C2CD5: variants seen among roughly 807,000 people sequenced by gnomAD.
C2CD5 encodes the protein C2 calcium dependent domain containing 5.
C2CD5 carries 109 observed loss-of-function variants against 130.3 expected under a neutral mutation model. The observed-to-expected ratio is 0.84, with a 90% CI of 0.72 to 0.98. The LOEUF is 0.98. Among genes scored for constraint, C2CD5 ranks in the 50% least tolerant of loss-of-function variants. The probability of loss-of-function intolerance (pLI) is 0.00; values close to 1 mark genes in which losing one functional copy is unlikely to be tolerated. For missense variants in C2CD5, 996 were observed against 1,261.8 expected, an observed-to-expected ratio of 0.79 and a Z score of 3.19; for synonymous variants, 454 against 429.2, an observed-to-expected ratio of 1.06 and a Z score of -0.71.
chr12:22,469,627 AG>A, intron 22 of C2CD5, 81 bp downstream of exon 22: 1 of 717,646 alleles, frequency 1.4e-6, no homozygotes, highest in Non-Finnish European at 2.3e-6. Context: ...CCTCAAGGTT[AG>A]TAAGATTTCC....
chr12:22,527,961 T>C (rs1950877600), intron 3 of C2CD5, 69 bp from the exon 4 acceptor site: 3 of 848,864 alleles, frequency 3.5e-6, no homozygotes, highest in Admixed American at 3.0e-5. Context: ...TGTATACCTA[T>C]ATCAAATGAA....
chr12:22,514,117 C>CT (rs1396350477), intron 8 of C2CD5, among the ~76,000 whole-genome samples: 2 of 151,964 alleles, frequency 1.3e-5, no homozygotes, highest in Non-Finnish European at 2.9e-5. Context: ...TTTTATTGTT[C>CT]TGACCATGCC....
At chr12:22,460,566 C>T (rs1476519907) in intron 22 of C2CD5, 1 of 151,934 alleles carries the variant, frequency 6.6e-6, no homozygotes, top group Non-Finnish European at 1.5e-5. Flanking sequence ...AGTATCTCAC[C>T]ACACCCCACC....
At chr12:22,538,527 C>T (rs920996215) in intron 2 of C2CD5, among the ~76,000 whole-genome samples, 1 of 152,160 alleles carries the variant, frequency 6.6e-6, no homozygotes, top group Admixed American at 6.5e-5. Context: ...TGGAAGGATG[C>T]AGAACGCTGA....
intron 8 of C2CD5, chr12:22,515,062 G>A: frequency 2.0e-6 from 2 of 985,106 alleles, no homozygotes; most frequent in South Asian, 4.7e-5. Context: ...CCGAGAGGAG[G>A]AGACAGGACT....
At position 22,490,162 on chromosome 12, in the gene C2CD5, A is replaced by T; in HGVS notation, c.1319T>A (p.Phe440Tyr). The T allele has an allele frequency of 6.2e-7, 1 of 1,613,802 alleles. No individual in the cohort carries two copies. Among genetic ancestry groups the T allele is most frequent in the Non-Finnish European group, 8.5e-7 (1 of 1,179,762 alleles). ...SGTAAVLNPR[F>Y]LQDGTVEGCL... Reference sequence around the variant, plus strand: ...GCCTTCCACGGTGCCATCCTGCAGAAATCTAGGATTCAGTACAGCCGCTGT... The same window carrying T: ...GCCTTCCACGGTGCCATCCTGCAGATATCTAGGATTCAGTACAGCCGCTGT... The change falls in exon 12 of 27, where the codon TTT becomes TAT. Residue 440 changes from phenylalanine (F) to tyrosine (Y), a missense_variant. Physicochemically the swap from Phe to Tyr is conservative, Grantham distance 22. Around this residue, in one of 9 missense-constraint regions of C2CD5, gnomAD observed 590 missense variants for 631.4 expected, o/e 0.93. Transcript: ENST00000446597.
Position 22,527,648 on chromosome 12 carries a change from A to G in C2CD5, c.349+73T>C, listed in dbSNP as rs961495661. ...ATACATATTTTAAACCAGCAAATAT[A>G]GCACAAATGTCTTTAAGGACAAATA... On this transcript the variant is annotated intron_variant, in intron 4 of 26. Coordinates refer to ENST00000446597, the MANE Select transcript of C2CD5 (RefSeq NM_001286176.2). 15 of 907,648 alleles carry G rather than the reference A, an allele frequency of 1.7e-5. No homozygotes were observed. The African/African-American group carries it at 2.3e-4, about 14-fold the overall frequency. The allele number at this position is 907,648 out of a possible 1,614,324, so 56.2% of individuals were successfully genotyped here.
chr12:22,478,420 C>T lies in C2CD5; in HGVS notation c.1795G>A (p.Gly599Arg). 1 of 1,613,586 alleles carries T rather than the reference C, an allele frequency of 6.2e-7. No homozygotes were observed. Among genetic ancestry groups the T allele is most frequent in the African/African-American group, 1.3e-5 (1 of 75,028 alleles). ...LPTPGGIQIA[G>R]KTPNDGSYEQ... ...TATGAGCCATCATTAGGAGTCTTCC[C>T]AGCAATCTGAATACCACCAGGAGTT... Residue 599 changes from glycine (G) to arginine (R), a missense_variant, in exon 15 of 27, where the codon GGG (glycine) becomes AGG (arginine). Transcript: ENST00000446597.
In C2CD5 at chr12:22,544,320, T is replaced by G; in HGVS notation, c.-30A>C. 1 of 536,664 alleles carries G rather than the reference T, an allele frequency of 1.9e-6. No homozygotes were observed. The highest frequency in any genetic ancestry group is 2.0e-5 in the African/African-American group (1 of 48,870). 33.2% of individuals were successfully genotyped at this position (536,664 alleles called of 1,614,324 possible). On this transcript the variant is annotated splice_region_variant and 5_prime_UTR_variant, in exon 1 of 27. Coordinates refer to ENST00000446597, the MANE Select transcript of C2CD5 (RefSeq NM_001286176.2). ...AGTCGCGCCACGGGTCGCCACTCAC[T>G]GTCGCAGGAGGAAGGGTGCTGTCCC...
chr12:22,537,107 G>A (rs1951888564), intron 2 of C2CD5, among the ~76,000 whole-genome samples: 1 of 152,204 alleles, frequency 6.6e-6, no homozygotes, highest in South Asian at 2.1e-4. Flanking sequence ...GATTTTTTAA[G>A]TGACAAGTTT....
At chr12:22,497,613 G>A (rs1213672726) in intron 10 of C2CD5, 1 of 972,226 alleles carries the variant, frequency 1.0e-6, no homozygotes, top group Non-Finnish European at 1.2e-6. Context: ...ACCTCTTGAA[G>A]AAGATAAATT....
intron 3 of C2CD5, among the ~76,000 whole-genome samples, 163 bp from the exon 4 acceptor site, chr12:22,528,055 C>G (rs1342260249): frequency 6.6e-6 from 1 of 152,188 alleles, no homozygotes; most frequent in African/African-American, 2.4e-5. Context: ...AAAGATATAG[C>G]TCCTTTTCCT....
At chr12:22,482,800 C>A in intron 13 of C2CD5, 57 bp from the exon 14 acceptor site, 1 of 1,306,264 alleles carries the variant, frequency 7.7e-7, no homozygotes, top group South Asian at 1.2e-5. Context: ...TAAAAATGTC[C>A]AAATTTTAAA....
intron 19 of C2CD5, 69 bp from the exon 20 acceptor site, chr12:22,471,557 T>G (rs1943035552): frequency 7.0e-6 from 6 of 854,886 alleles, no homozygotes; most frequent in Non-Finnish European, 1.1e-5. Flanking sequence ...ATTTTTTTAA[T>G]GTACATTATA....
At chr12:22,484,530 G>A (rs1945197809) in intron 13 of C2CD5, 167 bp downstream of exon 13, 1 of 416,740 alleles carries the variant, frequency 2.4e-6, no homozygotes, top group Non-Finnish European at 4.2e-6. Flanking sequence ...GTTTTACACA[G>A]AGGGTTTTTT....
At chr12:22,507,359 G>A (rs2136745165) in intron 9 of C2CD5, among the ~76,000 whole-genome samples, 1 of 152,306 alleles carries the variant, frequency 6.6e-6, no homozygotes, top group South Asian at 2.1e-4. Flanking sequence ...GTTGAGATGG[G>A]TAGAGAATCA....
At chr12:22,497,548 G>C (rs754754807) in intron 10 of C2CD5, 66 of 722,416 alleles carry the variant, frequency 9.1e-5, no homozygotes, top group Non-Finnish European at 1.1e-4. Flanking sequence ...TCATGTTAAC[G>C]GACAGTATAA....
At position 22,474,814 on chromosome 12, in the gene C2CD5, T is replaced by A; in HGVS notation, c.1980A>T (p.Glu660Asp). Residue 660 changes from glutamate to aspartate, a missense_variant, in exon 16 of 27, where the codon GAA becomes GAT. Physicochemically the swap from Glu to Asp is conservative, Grantham distance 45. Transcript: ENST00000446597. ...QRSRLLRSQSESSDEVTELDL... is the reference protein window; with the variant it reads ...QRSRLLRSQSDSSDEVTELDL... ...CTAATTCTGTAACTTCATCCGAGCTTTCTGATTGAGATCTTAGAAGTCTTG... is the reference window on the plus strand; with the variant it reads ...CTAATTCTGTAACTTCATCCGAGCTATCTGATTGAGATCTTAGAAGTCTTG... The A allele has an allele frequency of 6.2e-7, 1 of 1,610,610 alleles. No homozygotes were observed. The highest frequency in any genetic ancestry group is 8.5e-7 in the Non-Finnish European group (1 of 1,177,888).
chr12:22,450,039 A>G (rs1353506129), intron 26 of C2CD5, 148 bp from the exon 27 acceptor site: 7 of 553,174 alleles, frequency 1.3e-5, no homozygotes, highest in Non-Finnish European at 1.8e-5. Flanking sequence ...AAATGAGAAA[A>G]GGGTAAGAGG....
Sources: allele counts gnomAD v4.1 joint callset (sites outside exome capture counted in the v4.1 genomes callset), GRCh38; gene constraint gnomAD v4.1.1; regional missense constraint gnomAD v4.1.1; transcripts MANE v1.5; gene names NCBI Gene and HGNC (gene_info 2026-07-23, HGNC 2026-07-21).